Variants in SHQ1 observed in about 807,000 individuals in gnomAD.
SHQ1 encodes the protein SHQ1, H/ACA ribonucleoprotein assembly factor.
Under a neutral mutation model 53.8 loss-of-function variants are expected in SHQ1, and 49 were observed. That is an observed-to-expected ratio of 0.91 (90% CI 0.72 to 1.16). SHQ1 has a LOEUF of 1.16. Ranked by LOEUF, SHQ1 falls within the 50% of genes most tolerant of loss-of-function variation. The pLI is 0.00. For missense variants in SHQ1, 738 were observed against 683.1 expected (o/e 1.08, Z -0.90); for synonymous variants, 243 against 251.0 (o/e 0.97, Z 0.30).
At chr3:72,773,260 A>AGACAAGAAAGAGAAAGG (rs1705892558) in intron 10 of SHQ1, 2 of 673,224 alleles carry the variant, frequency 3.0e-6, no homozygotes, top group African/African-American at 3.6e-5. Context: ...AATGAGAAAG[A>AGACAAGAAAGAGAAAGG]GACAAGAAAG....
intron 3 of SHQ1, among the ~76,000 whole-genome samples, chr3:72,841,665 T>A (rs945468838): frequency 6.6e-6 from 1 of 152,166 alleles, no homozygotes; most frequent in East Asian, 1.9e-4. Flanking sequence ...GTTCCCAAAC[T>A]TTTTGGCACC....
At chr3:72,814,953 A>T (rs1276267475) in intron 8 of SHQ1, among the ~76,000 whole-genome samples, 1 of 152,144 alleles carries the variant, frequency 6.6e-6, no homozygotes, top group Non-Finnish European at 1.5e-5. Flanking sequence ...CATATATATA[A>T]AAAATCATAT....
At chr3:72,725,310 G>T in the SHQ1 span, among the ~76,000 whole-genome samples, 1 of 152,040 alleles carries the variant, frequency 6.6e-6, no homozygotes, top group Non-Finnish European at 1.5e-5. Flanking sequence ...CTCCAAACTG[G>T]CCTCTGCACT....
chr3:72,762,962 G>A (rs963377126), intron 10 of SHQ1, among the ~76,000 whole-genome samples: 1 of 144,374 alleles, frequency 6.9e-6, no homozygotes, highest in African/African-American at 2.6e-5. Context: ...CACCAAGCCC[G>A]GCCTGTTTCT....
rs2106696327 is a variant in SHQ1 at position 72,750,260 on chromosome 3, A to G, written c.*24T>C. 2.0e-6 allele frequency: 3 copies of G among 1,526,802 alleles called. No individual in the cohort carries two copies. The South Asian group carries it at 3.6e-5, about 18-fold the overall frequency. 94.6% of individuals were successfully genotyped at this position (1,526,802 alleles called of 1,614,324 possible). A position where few individuals can be genotyped will look rare whatever the true frequency, so the allele number is the denominator to read the frequency against. ...GAAACCCAATCTACCATATTTCTCA[A>G]CAATGAATAAAACCACCTAAGAGTC... is the stretch of plus-strand genomic sequence containing the variant. On this transcript the variant is annotated 3_prime_UTR_variant, in exon 11 of 11. Coordinates refer to ENST00000325599, the MANE Select transcript of SHQ1 (RefSeq NM_018130.3).
At chr3:72,817,910 A>G (rs1707369162) in intron 6 of SHQ1, among the ~76,000 whole-genome samples, 1 of 152,146 alleles carries the variant, frequency 6.6e-6, no homozygotes, top group South Asian at 2.1e-4. Flanking sequence ...CAAGTTTTAC[A>G]TATGACCACA....
At chr3:72,787,852 T>C (rs1189849845) in intron 10 of SHQ1, among the ~76,000 whole-genome samples, 2 of 152,176 alleles carry the variant, frequency 1.3e-5, no homozygotes, top group South Asian at 2.1e-4. Context: ...GTGCCTGGGA[T>C]TGCAGGCGTG....
chr3:72,774,941 C>A (rs1270050513), intron 10 of SHQ1, among the ~76,000 whole-genome samples: 1 of 151,918 alleles, frequency 6.6e-6, no homozygotes, highest in African/African-American at 2.4e-5. Context: ...ATGGTGAAAC[C>A]CCATCTCTAC....
chr3:72,845,248 C>A (rs1395583867), intron 1 of SHQ1, among the ~76,000 whole-genome samples: 1 of 152,086 alleles, frequency 6.6e-6, no homozygotes, highest in Non-Finnish European at 1.5e-5. Flanking sequence ...CTTTGGGAGG[C>A]CGAGGTGGGT....
At chr3:72,813,465 C>CAAA (rs938471344) in intron 8 of SHQ1, among the ~76,000 whole-genome samples, 20 of 61,422 alleles carry the variant, frequency 3.3e-4, no homozygotes, top group African/African-American at 9.4e-4. Context: ...GACTCCATCT[C>CAAA]AAAAAAAAAA....
rs574698015 is a variant in SHQ1 at position 72,793,084 on chromosome 3, T to G, written c.1061-48A>C. 7.2e-6 allele frequency: 11 copies of G among 1,518,344 alleles called. No homozygotes were observed. In the Admixed American group the frequency reaches 1.9e-4, roughly 26 times the overall value. The allele number at this position is 1,518,344 out of a possible 1,614,324, so 94.1% of individuals were successfully genotyped here. ...AAAATTATCCTTAAGAAAAAGAAAT[T>G]CAGACCCTGAGAGGTAATATATCTA... On this transcript the variant is annotated intron_variant, in intron 9 of 10. Transcript: ENST00000325599.
chr3:72,766,734 G>A (rs1343895321), intron 10 of SHQ1, among the ~76,000 whole-genome samples: 1 of 152,154 alleles, frequency 6.6e-6, no homozygotes, highest in Non-Finnish European at 1.5e-5. Flanking sequence ...CCGGTGAAGG[G>A]AGGGGGGAAC....
intron 6 of SHQ1, among the ~76,000 whole-genome samples, chr3:72,820,720 T>C (rs910130241): frequency 1.3e-5 from 2 of 152,226 alleles, no homozygotes; most frequent in African/African-American, 4.8e-5. Context: ...GCAGCTTTGC[T>C]ATATAGTTCA....
At chr3:72,833,477 G>T (rs1194725746) in intron 4 of SHQ1, among the ~76,000 whole-genome samples, 1 of 80,358 alleles carries the variant, frequency 1.2e-5, no homozygotes, top group East Asian at 7.7e-4. Flanking sequence ...TAGATAGATA[G>T]ATAGATAGAT....
Position 72,818,997 on chromosome 3 carries a change from A to T in SHQ1, c.728-1613T>A, listed in dbSNP as rs537654250. Among the ~76,000 whole-genome samples, 49 of 152,298 alleles carry T rather than the reference A, an allele frequency of 3.2e-4. 1 individual carries two copies. The South Asian group carries it at 5.6e-3, about 17-fold the overall frequency. On this transcript the variant is annotated intron_variant, in intron 6 of 10. Coordinates refer to ENST00000325599, the MANE Select transcript of SHQ1 (RefSeq NM_018130.3). ...ACACAGCCTCCAACATCTGTTTTTT[A>T]AAAAAATAAGATGGATATCTTTGGC... is the stretch of plus-strand genomic sequence containing the variant.
the SHQ1 span, among the ~76,000 whole-genome samples, chr3:72,734,243 A>G: frequency 6.6e-6 from 1 of 151,024 alleles, no homozygotes; most frequent in African/African-American, 2.4e-5. Flanking sequence ...GCAAGCCATC[A>G]TTTTTATTTT....
At chr3:72,840,367 C>A (rs1708140290) in intron 4 of SHQ1, among the ~76,000 whole-genome samples, 1 of 151,464 alleles carries the variant, frequency 6.6e-6, no homozygotes, top group African/African-American at 2.4e-5. Flanking sequence ...ACCATCCTGG[C>A]CAACATGGTA....
intron 1 of SHQ1, among the ~76,000 whole-genome samples, chr3:72,846,021 C>G (rs1337734095): frequency 6.6e-6 from 1 of 152,138 alleles, no homozygotes; most frequent in African/African-American, 2.4e-5. Flanking sequence ...ATAAATCCCT[C>G]TTCTGTAAAG....
intron 10 of SHQ1, among the ~76,000 whole-genome samples, chr3:72,787,720 C>G (rs1052767552): frequency 6.6e-6 from 1 of 152,016 alleles, no homozygotes; most frequent in African/African-American, 2.4e-5. Flanking sequence ...TCCCCCTCCC[C>G]CTCCCTCTCC....
Sources: gnomAD v4.1 joint callset for allele counts (sites outside exome capture counted in the v4.1 genomes callset) on GRCh38, gnomAD v4.1.1 for gene constraint, MANE v1.5 for transcripts, NCBI Gene and HGNC (gene_info 2026-07-23, HGNC 2026-07-21) for gene names.